ZNF429: variants seen among roughly 807,000 people sequenced by gnomAD.
ZNF429 encodes zinc finger protein 429.
ZNF429 carries 53 observed loss-of-function variants against 56.8 expected under a neutral mutation model. The ratio of observed to expected loss-of-function variants is 0.93; its 90% confidence interval spans 0.75 to 1.17. The LOEUF (loss-of-function observed/expected upper bound fraction) is 1.17, where lower values mean the gene tolerates loss of function less well. Ranked by LOEUF, ZNF429 falls within the 50% of genes most tolerant of loss-of-function variation. ZNF429 has a pLI of 0.00. For missense variants in ZNF429, 849 were observed against 788.4 expected (o/e 1.08, Z -0.92); for synonymous variants, 278 against 264.7 (o/e 1.05, Z -0.49).
intron 3 of ZNF429, among the ~76,000 whole-genome samples, chr19:21,531,071 A>G: frequency 7.6e-5 from 10 of 132,330 alleles, no homozygotes; most frequent in Non-Finnish European, 9.2e-5. Context: ...ACATCATTGC[A>G]CTCCAGCCTG....
intron 1 of ZNF429, 96 bp from the exon 2 acceptor site, chr19:21,529,562 T>A: frequency 7.8e-7 from 1 of 1,285,220 alleles, no homozygotes; most frequent in Non-Finnish European, 1.0e-6. Context: ...CTCTCTCATT[T>A]CACCTTGAAT....
chr19:21,525,145 G>A (rs1424196783), intron 1 of ZNF429, among the ~76,000 whole-genome samples: 1 of 152,106 alleles, frequency 6.6e-6, no homozygotes, highest in Non-Finnish European at 1.5e-5. Flanking sequence ...TTACATTGTT[G>A]TAACTTCTGA....
Position 21,538,129 on chromosome 19 carries a change from A to T in ZNF429, c.*51A>T. 2 of 637,104 alleles carry T rather than the reference A, an allele frequency of 3.1e-6. No homozygotes were observed. Among genetic ancestry groups the T allele is most frequent in the Non-Finnish European group, 2.4e-6 (1 of 416,840 alleles). 39.5% of individuals were successfully genotyped at this position (637,104 alleles called of 1,614,324 possible). A position where few individuals can be genotyped will look rare whatever the true frequency, so the allele number is the denominator to read the frequency against. On this transcript the variant is annotated 3_prime_UTR_variant, in exon 4 of 4. Transcript: ENST00000358491. Reference sequence around the variant, plus strand: ...AAATACAAAAAAAAAAAAAAAAAAAATTAGCCAGGCGTGGTGGTGGGCACT... The same window carrying T: ...AAATACAAAAAAAAAAAAAAAAAAATTTAGCCAGGCGTGGTGGTGGGCACT...
chr19:21,515,305 T>C (rs1269301148), intron 1 of ZNF429, among the ~76,000 whole-genome samples: 3 of 151,478 alleles, frequency 2.0e-5, no homozygotes, highest in Non-Finnish European at 4.4e-5. Context: ...TGGTATCTCA[T>C]TGTGATTTTT....
chr19:21,530,118 G>A, intron 2 of ZNF429, among the ~76,000 whole-genome samples: 1 of 151,712 alleles, frequency 6.6e-6, no homozygotes, highest in African/African-American at 2.4e-5. Flanking sequence ...GTGAACCCGG[G>A]AGGTGGAGCT....
chr19:21,523,416 A>G (rs910142031), intron 1 of ZNF429, among the ~76,000 whole-genome samples: 1 of 152,240 alleles, frequency 6.6e-6, no homozygotes, highest in Non-Finnish European at 1.5e-5. Context: ...ACTCGGAGAG[A>G]CATTAAAATG....
Position 21,505,786 on chromosome 19 carries a change from G to A in ZNF429, c.3+12G>A. On this transcript the variant is annotated intron_variant, in intron 1 of 3. Transcript: ENST00000358491. ...GAAGCCTAGAAATGGTGAGAGTGCC[G>A]AGTCTGACATCCCCAGAGAGGGGGA... 6.2e-7 allele frequency: 1 copy of A among 1,611,434 alleles called. No homozygotes were observed. Among genetic ancestry groups the A allele is most frequent in the Non-Finnish European group, 8.5e-7 (1 of 1,178,302 alleles).
At chr19:21,529,297 A>T (rs551564840) in intron 1 of ZNF429, 2 of 161,644 alleles carry the variant, frequency 1.2e-5, no homozygotes, top group Non-Finnish European at 2.6e-5. Flanking sequence ...CTAACTCAAC[A>T]TGTCTTTTTG....
chr19:21,524,740 T>C (rs548645910), intron 1 of ZNF429, among the ~76,000 whole-genome samples: 2 of 152,296 alleles, frequency 1.3e-5, no homozygotes, highest in Admixed American at 1.3e-4. Flanking sequence ...GCTAGGTATA[T>C]TTCAGACATT....
In ZNF429 at chr19:21,540,543, A is replaced by G. The variant is rs1023741796; in HGVS notation, c.*2465A>G. ...TTACTTGTAACATTTATCTTTTACA[A>G]ACAACTCAATTATGCACTTTTAGTT... is the stretch of plus-strand genomic sequence containing the variant. On this transcript the variant is annotated 3_prime_UTR_variant, in exon 4 of 4. Coordinates refer to ENST00000358491, the MANE Select transcript of ZNF429 (RefSeq NM_001001415.4). Among the ~76,000 whole-genome samples the G allele has an allele frequency of 1.3e-5, 2 of 152,156 alleles. No homozygotes were observed. The highest frequency in any genetic ancestry group is 4.8e-5 in the African/African-American group (2 of 41,460).
intron 1 of ZNF429, among the ~76,000 whole-genome samples, chr19:21,511,622 A>G (rs993227935): frequency 1.5e-4 from 22 of 150,086 alleles, no homozygotes; most frequent in African/African-American, 4.9e-4. Flanking sequence ...GGCTCCTCAC[A>G]TCCCAGATGA....
At chr19:21,522,690 G>A (rs1473524276) in intron 1 of ZNF429, among the ~76,000 whole-genome samples, 1 of 152,118 alleles carries the variant, frequency 6.6e-6, no homozygotes, top group Non-Finnish European at 1.5e-5. Context: ...TTGAGGTCAG[G>A]AGTTTGAGAC....
chr19:21,505,956 G>A (rs1405120244), intron 1 of ZNF429, 182 bp downstream of exon 1: 13 of 560,780 alleles, frequency 2.3e-5, no homozygotes, highest in Non-Finnish European at 3.8e-5. Context: ...TGACAGCCGG[G>A]CCCCGGGCGT....
chr19:21,510,209 A>G (rs1163382765), intron 1 of ZNF429, among the ~76,000 whole-genome samples: 1 of 152,162 alleles, frequency 6.6e-6, no homozygotes, highest in Non-Finnish European at 1.5e-5. Context: ...TGGGAGGGGA[A>G]CGGCAAATGG....
intron 1 of ZNF429, among the ~76,000 whole-genome samples, chr19:21,506,370 A>G (rs896830078): frequency 2.0e-5 from 3 of 151,410 alleles, no homozygotes; most frequent in Non-Finnish European, 4.4e-5. Flanking sequence ...AGGCACGAGA[A>G]TCGCTTAAAC....
intron 1 of ZNF429, among the ~76,000 whole-genome samples, chr19:21,522,545 G>A (rs1312282202): frequency 6.6e-6 from 1 of 152,058 alleles, no homozygotes; most frequent in Non-Finnish European, 1.5e-5. Context: ...CATATTAGGT[G>A]CCAGCCAGGC....
rs775647778 is a variant in ZNF429 at position 21,537,466 on chromosome 19, T to C, written c.1413T>C (p.His471=). ...ACCGGTCCTCACACCTTACTAGCCA[T>C]AGGAGAATTCATACTGGAGAGAAAC... ...AFNRSSHLTS[H]RRIHTGEKPY... Residue 471 remains histidine (H), a synonymous_variant, in exon 4 of 4, where the codon CAT becomes CAC. Transcript: ENST00000358491. The C allele has an allele frequency of 1.8e-4, 291 of 1,613,286 alleles. No individual in the cohort carries two copies. The highest frequency in any genetic ancestry group is 2.4e-4 in the Non-Finnish European group (285 of 1,179,892).
intron 1 of ZNF429, among the ~76,000 whole-genome samples, chr19:21,509,030 T>C (rs1236523166): frequency 6.6e-6 from 1 of 152,116 alleles, no homozygotes; most frequent in Non-Finnish European, 1.5e-5. Flanking sequence ...TTTTTTTTTT[T>C]TTTGAAATGG....
chr19:21,536,129 T>C, intron 3 of ZNF429, 151 bp from the exon 4 acceptor site: 1 of 169,074 alleles, frequency 5.9e-6, no homozygotes, highest in Non-Finnish European at 8.8e-6. Context: ...ATGTCTTTGT[T>C]ATATTTATAT....
Sources: gnomAD v4.1 joint callset for allele counts (sites outside exome capture counted in the v4.1 genomes callset) on GRCh38, gnomAD v4.1.1 for gene constraint, MANE v1.5 for transcripts, NCBI Gene and HGNC (gene_info 2026-07-23, HGNC 2026-07-21) for gene names.